Variants in FTO observed in about 807,000 individuals in gnomAD.
FTO encodes the protein FTO alpha-ketoglutarate dependent dioxygenase, also known as alpha-ketoglutarate-dependent dioxygenase FTO.
Under a neutral mutation model 63.9 loss-of-function variants are expected in FTO, and 47 were observed. That is an observed-to-expected ratio of 0.74 (90% CI 0.58 to 0.94). The LOEUF is 0.94. Ranked by LOEUF, FTO falls within the 40% of genes least tolerant of loss-of-function variation. The pLI is 0.00. For synonymous variants in FTO, 207 were observed against 224.4 expected, an observed-to-expected ratio of 0.92 and a Z score of 0.69; for missense variants, 562 against 618.1, an observed-to-expected ratio of 0.91 and a Z score of 0.96.
At chr16:53,918,375 C>CCTCT (rs2081932736) in intron 7 of FTO, among the ~76,000 whole-genome samples, 1 of 151,990 alleles carries the variant, frequency 6.6e-6, no homozygotes, top group Non-Finnish European at 1.5e-5. Flanking sequence ...AACTGTGACA[C>CCTCT]AATGATAAGT....
intron 4 of FTO, among the ~76,000 whole-genome samples, chr16:53,869,589 A>T (rs1311240961): frequency 7.7e-6 from 1 of 130,466 alleles, no homozygotes. Context: ...TCAGTTTTGG[A>T]AGTTTCTCTT....
At chr16:54,103,855 C>T (rs944845448) in intron 8 of FTO, among the ~76,000 whole-genome samples, 7 of 152,056 alleles carry the variant, frequency 4.6e-5, no homozygotes, top group Non-Finnish European at 8.8e-5. Flanking sequence ...TTTCACCACT[C>T]GCTATAACAG....
At chr16:53,969,864 A>C (rs1297595048) in intron 8 of FTO, among the ~76,000 whole-genome samples, 1 of 152,220 alleles carries the variant, frequency 6.6e-6, no homozygotes, top group African/African-American at 2.4e-5. Context: ...ATAGAAAAGC[A>C]GTTAGGGTAA....
At chr16:53,713,958 T>C (rs2075837204) in intron 1 of FTO, among the ~76,000 whole-genome samples, 1 of 152,196 alleles carries the variant, frequency 6.6e-6, no homozygotes, top group Non-Finnish European at 1.5e-5. Context: ...ATTTTTGTTT[T>C]TGCTATAAGC....
chr16:53,820,033 G>A (rs2078812628), intron 2 of FTO, among the ~76,000 whole-genome samples: 2 of 149,320 alleles, frequency 1.3e-5, no homozygotes, highest in Admixed American at 1.3e-4. Context: ...TTTTGAGATG[G>A]AGTCTTGCTC....
At chr16:53,731,005 A>G (rs2076258575) in intron 1 of FTO, among the ~76,000 whole-genome samples, 1 of 152,196 alleles carries the variant, frequency 6.6e-6, no homozygotes, top group Non-Finnish European at 1.5e-5. Context: ...GGAGTTAAAG[A>G]TAGGGATTTT....
At chr16:54,014,093 T>C (rs2084384166) in intron 8 of FTO, among the ~76,000 whole-genome samples, 1 of 152,222 alleles carries the variant, frequency 6.6e-6, no homozygotes, top group Non-Finnish European at 1.5e-5. Context: ...TGCGTTTTCC[T>C]TTGCTAGTGA....
chr16:53,808,351 T>G (rs2078426440), intron 1 of FTO, among the ~76,000 whole-genome samples: 1 of 151,936 alleles, frequency 6.6e-6, no homozygotes, highest in Non-Finnish European at 1.5e-5. Flanking sequence ...AAAAAAAATT[T>G]CTTTGTTTAA....
chr16:53,987,245 A>C (rs1179137002), intron 8 of FTO, among the ~76,000 whole-genome samples: 4 of 152,184 alleles, frequency 2.6e-5, no homozygotes, highest in Non-Finnish European at 4.4e-5. Context: ...CAAGCATTCT[A>C]TTCCATGTTC....
At chr16:53,850,997 A>G (rs1252412124) in intron 4 of FTO, among the ~76,000 whole-genome samples, 1 of 152,166 alleles carries the variant, frequency 6.6e-6, no homozygotes, top group Non-Finnish European at 1.5e-5. Flanking sequence ...TTAAAAAAAG[A>G]AACTAAAGCT....
chr16:54,002,871 A>T (rs1474050748), intron 8 of FTO, among the ~76,000 whole-genome samples: 2 of 152,170 alleles, frequency 1.3e-5, no homozygotes, highest in Admixed American at 1.3e-4. Flanking sequence ...TTAAAAGTTA[A>T]ATATAGAATT....
At chr16:54,052,972 G>A (rs1336756932) in intron 8 of FTO, among the ~76,000 whole-genome samples, 1 of 152,186 alleles carries the variant, frequency 6.6e-6, no homozygotes, top group Non-Finnish European at 1.5e-5. Context: ...AAAGTGCTGG[G>A]ATTACAGGTG....
At chr16:53,848,338 T>C (rs1438794158) in intron 4 of FTO, among the ~76,000 whole-genome samples, 2 of 152,198 alleles carry the variant, frequency 1.3e-5, no homozygotes, top group Non-Finnish European at 2.9e-5. Context: ...AAGTGCAGGC[T>C]GAACCCTGCT....
chr16:53,814,299 A>G lies in FTO; in HGVS notation c.123+4082A>G, dbSNP rs570636906. 2.6e-5 allele frequency among the ~76,000 whole-genome samples: 4 copies of G among 152,316 alleles called. No individual in the cohort carries two copies. In the South Asian group the frequency reaches 8.3e-4, roughly 32 times the overall value. ...AGAAAACAAACTCTGACTTCCAGAA[A>G]TATGAATGCAGCCCCTTTTATCCAA... On this transcript the variant is annotated intron_variant, in intron 2 of 8. Coordinates refer to ENST00000471389, the MANE Select transcript of FTO (RefSeq NM_001080432.3).
chr16:54,098,865 GCA>G (rs1434017006), intron 8 of FTO, among the ~76,000 whole-genome samples: 1 of 152,186 alleles, frequency 6.6e-6, no homozygotes, highest in Admixed American at 6.5e-5. Flanking sequence ...TAGTCAAAAA[GCA>G]CAGTCTTCCA....
At chr16:53,878,339 A>G (rs1419888511) in intron 5 of FTO, among the ~76,000 whole-genome samples, 1 of 151,790 alleles carries the variant, frequency 6.6e-6, no homozygotes, top group Non-Finnish European at 1.5e-5. Flanking sequence ...TTGCTGTGGG[A>G]CAAAAATGAG....
intron 8 of FTO, among the ~76,000 whole-genome samples, chr16:54,014,458 C>T (rs1033553796): frequency 1.3e-5 from 2 of 152,068 alleles, no homozygotes; most frequent in Non-Finnish European, 2.9e-5. Flanking sequence ...TTGCCTTCCA[C>T]CATGAGTGGA....
intron 8 of FTO, among the ~76,000 whole-genome samples, chr16:53,988,345 A>G (rs1328491486): frequency 6.6e-6 from 1 of 152,218 alleles, no homozygotes; most frequent in Non-Finnish European, 1.5e-5. Flanking sequence ...CAAGACAATA[A>G]GAAGCCAGGA....
intron 5 of FTO, among the ~76,000 whole-genome samples, chr16:53,879,550 G>A (rs1007064397): frequency 2.0e-5 from 3 of 152,086 alleles, no homozygotes; most frequent in Non-Finnish European, 4.4e-5. Flanking sequence ...GCTGGGCAGA[G>A]TAGTGCCTGC....
Sources: gnomAD v4.1 joint callset for allele counts (sites outside exome capture counted in the v4.1 genomes callset) on GRCh38, gnomAD v4.1.1 for gene constraint, MANE v1.5 for transcripts, NCBI Gene and HGNC (gene_info 2026-07-23, HGNC 2026-07-21) for gene names.